The following GABRA2 variants were observed in gnomAD, a reference collection of about 807,000 sequenced individuals.
GABRA2 encodes the protein gamma-aminobutyric acid receptor subunit alpha-2.
Under a neutral mutation model 48.7 loss-of-function variants are expected in GABRA2, and 16 were observed. The ratio of observed to expected loss-of-function variants is 0.33; its 90% CI spans 0.22 to 0.50. The LOEUF (loss-of-function observed/expected upper bound fraction) is 0.50. Ranked by LOEUF, GABRA2 falls within the 20% of genes least tolerant of loss-of-function variation. GABRA2 has a pLI of 0.98. For synonymous variants in GABRA2, 185 were observed against 184.5 expected, an observed-to-expected ratio of 1.00 and a Z score of -0.02; for missense variants, 275 against 535.6, an observed-to-expected ratio of 0.51 and a Z score of 4.80.
intron 3 of GABRA2, among the ~76,000 whole-genome samples, chr4:46,342,587 G>A (rs1038019742): frequency 2.6e-5 from 4 of 151,980 alleles, no homozygotes; most frequent in Non-Finnish European, 2.9e-5. Flanking sequence ...ATATTTCACA[G>A]ACATTTACTT....
At chr4:46,266,284 T>C (rs1718203188) in intron 8 of GABRA2, among the ~76,000 whole-genome samples, 1 of 147,808 alleles carries the variant, frequency 6.8e-6, no homozygotes, top group South Asian at 2.1e-4. Context: ...AATAAGATAG[T>C]AAACAAATTA....
chr4:46,377,148 G>A (rs1020814698), intron 3 of GABRA2, among the ~76,000 whole-genome samples: 6 of 151,852 alleles, frequency 4.0e-5, no homozygotes, highest in African/African-American at 7.3e-5. Context: ...GCCTCTGCCC[G>A]GCCGCCACCC....
At chr4:46,356,543 T>C (rs1736002429) in intron 3 of GABRA2, among the ~76,000 whole-genome samples, 1 of 152,044 alleles carries the variant, frequency 6.6e-6, no homozygotes, top group Non-Finnish European at 1.5e-5. Flanking sequence ...GGCAGCTGCA[T>C]AAATAAGTAT....
intron 4 of GABRA2, among the ~76,000 whole-genome samples, chr4:46,316,288 T>C (rs939672566): frequency 5.3e-5 from 8 of 152,062 alleles, no homozygotes; most frequent in Non-Finnish European, 8.8e-5. Flanking sequence ...GCAAATTTTT[T>C]CCATTAAGTG....
At chr4:46,304,987 G>A (rs1476518501) in intron 7 of GABRA2, among the ~76,000 whole-genome samples, 1 of 150,122 alleles carries the variant, frequency 6.7e-6, no homozygotes, top group African/African-American at 2.5e-5. Context: ...ACTCTGAGAA[G>A]ACACATATGT....
intron 8 of GABRA2, among the ~76,000 whole-genome samples, chr4:46,267,359 T>C (rs1289193245): frequency 6.6e-6 from 1 of 152,114 alleles, no homozygotes; most frequent in Non-Finnish European, 1.5e-5. Flanking sequence ...ATCATTATTA[T>C]ATTTTCCTTT....
At chr4:46,343,217 C>T (rs1733594658) in intron 3 of GABRA2, among the ~76,000 whole-genome samples, 1 of 151,942 alleles carries the variant, frequency 6.6e-6, no homozygotes, top group African/African-American at 2.4e-5. Context: ...AAGTTTCTTA[C>T]ATATTGCATA....
chr4:46,282,800 G>A lies in GABRA2; in HGVS notation c.856+20660C>T, dbSNP rs140837845. On this transcript the variant is annotated intron_variant, in intron 8 of 9. Transcript: ENST00000381620. ...TAATAATAGCAAATACTTGCATAGC[G>A]TTTACTATTTGCCCAGAATTCCACT... 1.8e-4 allele frequency among the ~76,000 whole-genome samples: 28 copies of A among 152,280 alleles called. No homozygotes were observed. The East Asian group carries it at 3.7e-3, about 20-fold the overall frequency.
chr4:46,274,919 C>A (rs546858261), intron 8 of GABRA2, among the ~76,000 whole-genome samples: 30 of 152,102 alleles, frequency 2.0e-4, no homozygotes, highest in Non-Finnish European at 3.1e-4. Context: ...ACCAAGGATG[C>A]AAGAGTCCCA....
intron 8 of GABRA2, among the ~76,000 whole-genome samples, chr4:46,264,246 T>C (rs1433910611): frequency 6.6e-6 from 1 of 152,100 alleles, no homozygotes; most frequent in Non-Finnish European, 1.5e-5. Context: ...AAGGGTCTTC[T>C]ATAAATAAGA....
chr4:46,293,730 C>G (rs568989677), intron 8 of GABRA2, among the ~76,000 whole-genome samples: 28 of 152,276 alleles, frequency 1.8e-4, no homozygotes, highest in Admixed American at 9.8e-4. Flanking sequence ...CTGCCTCTAC[C>G]TAGAAAAATG....
intron 3 of GABRA2, chr4:46,367,731 AT>A: frequency 6.6e-6 from 1 of 152,278 alleles, no homozygotes; most frequent in African/African-American, 2.4e-5. Flanking sequence ...AGAATTATAC[AT>A]CTTGAAATGA....
intron 8 of GABRA2, among the ~76,000 whole-genome samples, chr4:46,272,686 C>T (rs1719568261): frequency 6.6e-6 from 1 of 151,820 alleles, no homozygotes; most frequent in Admixed American, 6.6e-5. Flanking sequence ...AAAAATAATC[C>T]TAAACTAGAA....
intron 3 of GABRA2, among the ~76,000 whole-genome samples, chr4:46,349,743 T>C (rs1029041005): frequency 6.6e-6 from 1 of 151,942 alleles, no homozygotes; most frequent in East Asian, 1.9e-4. Context: ...ATATTCTAAT[T>C]TGGTGATAGT....
chr4:46,325,850 GT>G (rs778445943), intron 4 of GABRA2, among the ~76,000 whole-genome samples: 6 of 152,076 alleles, frequency 3.9e-5, no homozygotes, highest in Admixed American at 2.0e-4. Flanking sequence ...CCCACTGCTT[GT>G]TTTTGTCGAC....
chr4:46,351,542 T>C (rs997784054), intron 3 of GABRA2, among the ~76,000 whole-genome samples: 6 of 152,016 alleles, frequency 3.9e-5, no homozygotes, highest in Middle Eastern at 3.2e-3. Context: ...CAATAAAATA[T>C]TCTTAGACAG....
rs191315931 is a variant in GABRA2, at chr4:46,343,117, C to T, written c.188-10435G>A. Among the ~76,000 whole-genome samples the T allele has an allele frequency of 2.5e-3, 387 of 152,066 alleles. 3 individuals carry two copies. The highest frequency in any genetic ancestry group is 9.1e-3 in the African/African-American group (378 of 41,534). ...GACATTGTAATTCAAATTTCACCTT[C>T]CCTCCATCCCCAATACTTTAGATCT... On this transcript the variant is annotated intron_variant, in intron 3 of 9. Coordinates refer to ENST00000381620, the MANE Select transcript of GABRA2 (RefSeq NM_000807.4).
intron 8 of GABRA2, among the ~76,000 whole-genome samples, chr4:46,297,158 T>A (rs1401431521): frequency 6.6e-6 from 1 of 151,956 alleles, no homozygotes; most frequent in Non-Finnish European, 1.5e-5. Context: ...GTGTGTCCGT[T>A]AGGGTGTTGC....
Position 46,330,074 on chromosome 4 carries a change from T to G in GABRA2, c.255+2541A>C, listed in dbSNP as rs139469859. Among the ~76,000 whole-genome samples, 760 of 152,176 alleles carry G rather than the reference T, an allele frequency of 5.0e-3. 8 individuals carry two copies. The highest frequency in any genetic ancestry group is 0.018 in the African/African-American group (741 of 41,546). On this transcript the variant is annotated intron_variant, in intron 4 of 9. Transcript: ENST00000381620. ...ACTCACACGCATGTATTCTGAAATA[T>G]AAAAAGAAAACTAAAAAATCAAAGT...
Sources: allele counts gnomAD v4.1 joint callset (sites outside exome capture counted in the v4.1 genomes callset), GRCh38; gene constraint gnomAD v4.1.1; transcripts MANE v1.5; gene names NCBI Gene and HGNC (gene_info 2026-07-23, HGNC 2026-07-21).